RELN: variants seen among roughly 807,000 people sequenced by gnomAD.
RELN encodes the protein reelin.
RELN carries 108 observed loss-of-function variants against 427.6 expected under a neutral mutation model. The observed-to-expected ratio is 0.25, with a 90% CI of 0.22 to 0.30. The LOEUF (loss-of-function observed/expected upper bound fraction) is 0.30. Ranked by LOEUF, RELN falls within the 10% of genes least tolerant of loss-of-function variation. The probability of loss-of-function intolerance (pLI) is 1.00; values close to 1 mark genes in which losing one functional copy is unlikely to be tolerated. For missense variants in RELN, 3,715 were observed against 4,302.8 expected, an observed-to-expected ratio of 0.86 and a Z score of 3.82; for synonymous variants, 1,524 against 1,513.4, an observed-to-expected ratio of 1.01 and a Z score of -0.16.
At chr7:103,973,523 G>GA (rs1315765141) in intron 1 of RELN, among the ~76,000 whole-genome samples, 1 of 151,592 alleles carries the variant, frequency 6.6e-6, no homozygotes, top group South Asian at 2.1e-4. Flanking sequence ...AAAAATTCAT[G>GA]AAAAAAATAA....
rs1797163245 is a variant in RELN at position 103,989,052 on chromosome 7, G to A, written c.226+79C>T. 5 of 1,307,462 alleles carry A rather than the reference G, an allele frequency of 3.8e-6. No homozygotes were observed. Among genetic ancestry groups the A allele is most frequent in the Admixed American group, 1.7e-5 (1 of 58,748 alleles). 81.0% of individuals were successfully genotyped at this position (1,307,462 alleles called of 1,614,324 possible). On this transcript the variant is annotated intron_variant, in intron 1 of 64. Coordinates refer to ENST00000428762, the MANE Select transcript of RELN (RefSeq NM_005045.4). The surrounding 1 kb of genome is among the most constrained non-coding windows in gnomAD (Gnocchi z 4.9). Reference sequence around the variant, plus strand: ...ATGGTTCTTGTTTCCAAGGCCCCTTGGAAGAAGGAAAGGGATGAGAAAGGT... The same window carrying A: ...ATGGTTCTTGTTTCCAAGGCCCCTTAGAAGAAGGAAAGGGATGAGAAAGGT...
rs2117200905 is a variant in RELN at position 103,572,195 on chromosome 7, G to C, written c.4577C>G (p.Thr1526Ser). ...ATACAGCAGCTTACCTTCATTTCTA[G>C]TTCTTGGTTTGATGCAGGTAATGCC... ...TSGITCIKPR[T>S]RNEGLIVQYS... Residue 1526 changes from threonine to serine, a missense_variant, in exon 31 of 65, where the codon ACT (threonine) becomes AGT (serine). This residue lies in a region of RELN where 2,208 missense variants were observed against 2,361.7 expected (regional missense o/e 0.93). Coordinates refer to ENST00000428762, the MANE Select transcript of RELN (RefSeq NM_005045.4). 1 of 1,568,534 alleles carries C rather than the reference G, an allele frequency of 6.4e-7. No homozygotes were observed. Among genetic ancestry groups the C allele is most frequent in the Non-Finnish European group, 8.8e-7 (1 of 1,138,538 alleles).
rs745955015 is a variant in RELN, at chr7:103,708,464, C to CTTTTTTTTTTTTTTTT, written c.806-7474_806-7459dup. Among the ~76,000 whole-genome samples, 279 of 110,008 alleles carry CTTTTTTTTTTTTTTTT rather than the reference C, an allele frequency of 2.5e-3. 53 individuals are homozygous for CTTTTTTTTTTTTTTTT. The highest frequency in any genetic ancestry group is 0.012 in the African/African-American group (260 of 22,574). The allele number at this position is 110,008 out of a possible 152,430, so 72.2% of individuals were successfully genotyped here. A position where few individuals can be genotyped will look rare whatever the true frequency, so the allele number is the denominator to read the frequency against. ...CACCCAAACACCAGTGGGTATGACT[C>CTTTTTTTTTTTTTTTT]TTTTTTTTTTTTTTTTTGAGACGGA... On this transcript the variant is annotated intron_variant, in intron 8 of 64. Transcript: ENST00000428762.
intron 2 of RELN, among the ~76,000 whole-genome samples, chr7:103,846,307 C>T (rs1793675912): frequency 6.6e-6 from 1 of 152,092 alleles, no homozygotes; most frequent in Non-Finnish European, 1.5e-5. Flanking sequence ...CTTTGACAAA[C>T]CTGACAGAAA....
At chr7:103,955,611 C>T (rs1391928732) in intron 1 of RELN, among the ~76,000 whole-genome samples, 1 of 152,160 alleles carries the variant, frequency 6.6e-6, no homozygotes, top group African/African-American at 2.4e-5. Context: ...CCTGAAACTC[C>T]TATTAGATGT....
chr7:103,665,358 G>A (rs1833239377), intron 11 of RELN, among the ~76,000 whole-genome samples: 1 of 131,304 alleles, frequency 7.6e-6, no homozygotes, highest in Non-Finnish European at 1.6e-5. Context: ...GTGTGTGTGT[G>A]TGTGTATATA....
intron 28 of RELN, among the ~76,000 whole-genome samples, chr7:103,581,610 A>C (rs1831151206): frequency 6.6e-6 from 1 of 152,122 alleles, no homozygotes; most frequent in African/African-American, 2.4e-5. Flanking sequence ...CCTCCCACTT[A>C]ATCACACTTC....
intron 22 of RELN, among the ~76,000 whole-genome samples, chr7:103,607,782 C>T (rs1831853391): frequency 6.6e-6 from 1 of 152,160 alleles, no homozygotes; most frequent in Non-Finnish European, 1.5e-5. Flanking sequence ...CCTGTAATTA[C>T]ATTTACCCAA....
At chr7:103,557,879 T>G (rs1463610190) in intron 37 of RELN, 86 bp downstream of exon 37, 2 of 725,464 alleles carry the variant, frequency 2.8e-6, no homozygotes, top group Non-Finnish European at 5.1e-6. Flanking sequence ...ACAAAACTTA[T>G]GGGCCTTAAA....
At chr7:103,857,852 A>T (rs1375447434) in intron 2 of RELN, among the ~76,000 whole-genome samples, 5 of 152,182 alleles carry the variant, frequency 3.3e-5, no homozygotes, top group Non-Finnish European at 5.9e-5. Context: ...ATAAGTCAGC[A>T]GGGAAGGAAT....
chr7:103,503,114 G>C lies in RELN; in HGVS notation c.8391C>G (p.Asp2797Glu), dbSNP rs1829089585. The C allele has an allele frequency of 2.5e-6, 4 of 1,614,126 alleles. No individual in the cohort carries two copies. The highest frequency in any genetic ancestry group is 3.4e-6 in the Non-Finnish European group (4 of 1,180,026). Residue 2797 changes from aspartate (D) to glutamate (E), a missense_variant, in exon 52 of 65, where the codon GAC becomes GAG. Physicochemically the swap from Asp to Glu is conservative, Grantham distance 45 (BLOSUM62 2). Transcript: ENST00000428762. ...NYLVPQCLPA[D>E]PKCSGSVSQP... ...GAGAAACACTTCCAGAGCATTTTGG[G>C]TCAGCAGGCAAGCACTGAGGGACCA...
At chr7:103,698,178 T>C in intron 9 of RELN, 85 bp from the exon 10 acceptor site, 2 of 1,488,058 alleles carry the variant, frequency 1.3e-6, no homozygotes, top group Non-Finnish European at 1.9e-6. Context: ...GGTTGTAGTT[T>C]CATGATCTCA....
chr7:103,567,926 A>G (rs1362050991), intron 31 of RELN, among the ~76,000 whole-genome samples: 2 of 151,938 alleles, frequency 1.3e-5, no homozygotes, highest in African/African-American at 2.4e-5. Flanking sequence ...CCCTCCAAGT[A>G]GCTGGGACTA....
rs955692553 is a variant in RELN, at chr7:103,603,063, G to T, written c.3333+241C>A. Among the ~76,000 whole-genome samples the T allele has an allele frequency of 2.0e-5, 3 of 152,132 alleles. No individual in the cohort carries two copies. The highest frequency in any genetic ancestry group is 7.2e-5 in the African/African-American group (3 of 41,422). On this transcript the variant is annotated intron_variant, in intron 24 of 64. Transcript: ENST00000428762. The surrounding 1 kb of genome is among the most constrained non-coding windows in gnomAD (Gnocchi z 4.3). Reference sequence around the variant, plus strand: ...AGGAAAGTAATGGTATTTAAATCAGGTACAGGAGGGTAGAAGTTTTAAACT... The same window carrying T: ...AGGAAAGTAATGGTATTTAAATCAGTTACAGGAGGGTAGAAGTTTTAAACT...
At chr7:103,694,236 C>A (rs1419779820) in intron 10 of RELN, among the ~76,000 whole-genome samples, 1 of 152,076 alleles carries the variant, frequency 6.6e-6, no homozygotes, top group Non-Finnish European at 1.5e-5. Context: ...GGAAGAAACA[C>A]AAGACAATCA....
chr7:103,505,525 A>T (rs578014573), intron 51 of RELN, among the ~76,000 whole-genome samples: 2 of 152,318 alleles, frequency 1.3e-5, no homozygotes, highest in East Asian at 3.9e-4. Flanking sequence ...TAGTATCAAT[A>T]CCAACAAAAA....
chr7:103,648,721 G>A (rs565861801), intron 16 of RELN, among the ~76,000 whole-genome samples: 2 of 152,100 alleles, frequency 1.3e-5, no homozygotes, highest in South Asian at 2.1e-4. Context: ...AGAATTAACA[G>A]TGAACTCAAA....
chr7:103,498,391 G>A, intron 53 of RELN, 139 bp from the exon 54 acceptor site: 2 of 761,978 alleles, frequency 2.6e-6, no homozygotes, highest in Non-Finnish European at 4.4e-6. Context: ...GTTTAAAAAA[G>A]GCTATTTCCA....
chr7:103,682,015 T>C, intron 11 of RELN, 101 bp downstream of exon 11: 1 of 1,133,928 alleles, frequency 8.8e-7, no homozygotes, highest in Non-Finnish European at 1.3e-6. Flanking sequence ...TCAGTATTGA[T>C]CTAAGTATGC....
Sources: gnomAD v4.1 joint callset for allele counts (sites outside exome capture counted in the v4.1 genomes callset) on GRCh38, gnomAD v4.1.1 for gene constraint, gnomAD v4.1.1 regional missense constraint, Gnocchi (gnomAD v3.1) non-coding constraint, MANE v1.5 for transcripts, NCBI Gene and HGNC (gene_info 2026-07-23, HGNC 2026-07-21) for gene names.